The following PLD5 variants were observed in gnomAD, a reference collection of about 807,000 sequenced individuals.
PLD5 encodes the protein phospholipase D family member 5.
A neutral mutation model predicts 61.1 loss-of-function variants in PLD5; 36 were observed. The observed-to-expected ratio is 0.59, with a 90% CI of 0.45 to 0.78. PLD5 has a LOEUF of 0.78. Among genes scored for constraint, PLD5 ranks in the 30% least tolerant of loss-of-function variants. PLD5 has a pLI of 0.00. For synonymous variants in PLD5, 243 were observed against 242.8 expected (o/e 1.00, Z -0.01); for missense variants, 515 against 644.4 (o/e 0.80, Z 2.17).
intron 4 of PLD5, among the ~76,000 whole-genome samples, chr1:242,221,782 G>A (rs1009515529): frequency 6.6e-6 from 1 of 152,178 alleles, no homozygotes; most frequent in African/African-American, 2.4e-5. Context: ...TGGCAGGTAT[G>A]GAGAGACCCA....
At chr1:242,115,723 T>G (rs999155656) in intron 6 of PLD5, among the ~76,000 whole-genome samples, 2 of 151,958 alleles carry the variant, frequency 1.3e-5, no homozygotes, top group East Asian at 3.9e-4. Context: ...GGAGAAGTGT[T>G]GATTGTTGAG....
rs140128505 is a variant in PLD5 at position 242,409,796 on chromosome 1, G to A, written c.190-61554C>T. The stretch of plus-strand genomic sequence containing the variant: ...GCCTTTTAATATGTAAAGGAAGGCC[G>A]CCATGATGTTCTACACACCTGGGGA... On this transcript the variant is annotated intron_variant, in intron 1 of 9. Transcript: ENST00000536534. Among the ~76,000 whole-genome samples the A allele has an allele frequency of 7.2e-5, 11 of 152,214 alleles. No homozygotes were observed. The East Asian group carries it at 1.2e-3, about 16-fold the overall frequency.
intron 4 of PLD5, among the ~76,000 whole-genome samples, chr1:242,248,223 G>A (rs1302629092): frequency 2.0e-5 from 3 of 152,226 alleles, no homozygotes; most frequent in African/African-American, 7.2e-5. Context: ...GGGAAGGCAT[G>A]AAAACGAGAC....
At chr1:242,328,435 CTACATACATGTGTTG>C (rs1381948643) in intron 2 of PLD5, among the ~76,000 whole-genome samples, 2 of 151,874 alleles carry the variant, frequency 1.3e-5, no homozygotes, top group Non-Finnish European at 1.5e-5. Context: ...TATGTGTGTT[CTACATACATGTGTTG>C]TACATGTGTG....
In PLD5 at chr1:242,249,729, G is replaced by GA. The variant is rs533474647; in HGVS notation, c.607+15607dup. Among the ~76,000 whole-genome samples the GA allele has an allele frequency of 1.6e-3, 242 of 152,150 alleles. 1 individual carries two copies. The highest frequency in any genetic ancestry group is 5.7e-3 in the African/African-American group (237 of 41,528). On this transcript the variant is annotated intron_variant, in intron 4 of 9. Transcript: ENST00000536534. Reference sequence around the variant, plus strand: ...GCAAATGACCAGAAAAAATAATGTAGAAAAAAACATTCAAAATGTTCTTAT... The same window carrying GA: ...GCAAATGACCAGAAAAAATAATGTAGAAAAAAAACATTCAAAATGTTCTTAT...
chr1:242,529,263 A>C (rs900844511), upstream of PLD5, among the ~76,000 whole-genome samples: 11 of 152,218 alleles, frequency 7.2e-5, no homozygotes, highest in Non-Finnish European at 2.9e-5. Context: ...CGTAGTTATT[A>C]TTGATTAGTT....
intron 4 of PLD5, among the ~76,000 whole-genome samples, chr1:242,228,547 TA>T (rs1425868669): frequency 1.3e-5 from 2 of 152,098 alleles, no homozygotes; most frequent in Non-Finnish European, 2.9e-5. Context: ...GTAAGTTACT[TA>T]AAAGCAGCTG....
In PLD5 at chr1:242,090,024, T is replaced by G; in HGVS notation, c.1441A>C (p.Ser481Arg). Residue 481 changes from serine to arginine, a missense_variant, in exon 10 of 10, where the codon AGC (serine) becomes CGC (arginine). Transcript: ENST00000536534. The part of the protein sequence containing the change: ...INQADVRNNR[S>R]IIKQLKDVFE... ...ACATCTTTAAGTTGCTTAATGATGC[T>G]TCTGTTGTTCCTCACATCTGCCTGG... The G allele has an allele frequency of 3.1e-6, 5 of 1,614,194 alleles. No individual in the cohort carries two copies. Among genetic ancestry groups the G allele is most frequent in the Non-Finnish European group, 4.2e-6 (5 of 1,180,030 alleles).
intron 7 of PLD5, among the ~76,000 whole-genome samples, chr1:242,110,535 C>T (rs930101443): frequency 1.3e-5 from 2 of 152,118 alleles, no homozygotes; most frequent in East Asian, 1.9e-4. Context: ...TGAAGCCAGG[C>T]GCGGTGGCTC....
intron 1 of PLD5, among the ~76,000 whole-genome samples, chr1:242,511,629 A>G (rs1166612871): frequency 6.6e-6 from 1 of 152,130 alleles, no homozygotes; most frequent in East Asian, 1.9e-4. Flanking sequence ...GGGACATTCT[A>G]TAAAAGACCT....
chr1:242,133,438 T>C (rs1482639869), intron 5 of PLD5, among the ~76,000 whole-genome samples: 1 of 152,214 alleles, frequency 6.6e-6, no homozygotes, highest in African/African-American at 2.4e-5. Flanking sequence ...ATACTTTTGT[T>C]TCAATAAATC....
chr1:242,321,214 CT>C (rs1166981946), intron 2 of PLD5, among the ~76,000 whole-genome samples: 1 of 150,234 alleles, frequency 6.7e-6, no homozygotes, highest in Non-Finnish European at 1.5e-5. Flanking sequence ...TTGACCCATT[CT>C]AAAAAAAAAA....
intron 4 of PLD5, among the ~76,000 whole-genome samples, chr1:242,258,937 T>A (rs1673232675): frequency 6.6e-6 from 1 of 152,230 alleles, no homozygotes. Flanking sequence ...ATTGCTTGGT[T>A]TTCTCTACCA....
intron 5 of PLD5, among the ~76,000 whole-genome samples, chr1:242,132,741 T>A (rs1259406641): frequency 6.6e-6 from 1 of 152,148 alleles, no homozygotes; most frequent in Non-Finnish European, 1.5e-5. Flanking sequence ...CCACTTAACT[T>A]CTTGATGTCT....
At chr1:242,490,384 T>A (rs1384182098) in intron 1 of PLD5, among the ~76,000 whole-genome samples, 1 of 152,264 alleles carries the variant, frequency 6.6e-6, no homozygotes. Context: ...TACCATTTTT[T>A]AATTGTATTG....
intron 4 of PLD5, among the ~76,000 whole-genome samples, chr1:242,252,576 CT>C (rs937519074): frequency 7.9e-5 from 12 of 152,114 alleles, no homozygotes; most frequent in African/African-American, 2.9e-4. Flanking sequence ...CTCTAGTACC[CT>C]TCAGAACATA....
intron 1 of PLD5, among the ~76,000 whole-genome samples, chr1:242,369,239 T>C (rs928050135): frequency 2.0e-5 from 3 of 152,118 alleles, no homozygotes; most frequent in African/African-American, 7.2e-5. Context: ...ATTCAAAATA[T>C]TGAGAACTGT....
At chr1:242,301,827 G>T (rs1676061364) in intron 2 of PLD5, among the ~76,000 whole-genome samples, 1 of 149,658 alleles carries the variant, frequency 6.7e-6, no homozygotes, top group Non-Finnish European at 1.5e-5. Context: ...ACCCAGGCTG[G>T]AGTGCAATGG....
intron 1 of PLD5, among the ~76,000 whole-genome samples, chr1:242,457,141 G>C (rs577746179): frequency 1.3e-5 from 2 of 152,232 alleles, no homozygotes; most frequent in East Asian, 3.9e-4. Flanking sequence ...GGAATTCCTA[G>C]TGAACTCGAA....
Sources: allele counts gnomAD v4.1 joint callset (sites outside exome capture counted in the v4.1 genomes callset), GRCh38; gene constraint gnomAD v4.1.1; transcripts MANE v1.5; gene names NCBI Gene and HGNC (gene_info 2026-07-23, HGNC 2026-07-21).